Variants in RSF1 observed in about 807,000 individuals in gnomAD.
The protein encoded by RSF1 is remodeling and spacing factor 1.
In RSF1, 13 loss-of-function variants were observed where a neutral mutation model predicts 145.2. That is an observed-to-expected ratio of 0.09 (90% CI 0.06 to 0.14). The LOEUF (loss-of-function observed/expected upper bound fraction) is 0.14. Among genes scored for constraint, RSF1 ranks in the 10% least tolerant of loss-of-function variants. The pLI is 1.00. For synonymous variants in RSF1, 577 were observed against 592.6 expected, an observed-to-expected ratio of 0.97 and a Z score of 0.38; for missense variants, 1,517 against 1,718.2, an observed-to-expected ratio of 0.88 and a Z score of 2.07.
At chr11:77,726,795 A>C (rs1007795656) in intron 4 of RSF1, among the ~76,000 whole-genome samples, 22 of 152,016 alleles carry the variant, frequency 1.4e-4, no homozygotes, top group African/African-American at 5.3e-4. Context: ...TATGGCTCCT[A>C]CCCTCCTTTC....
chr11:77,814,744 C>T (rs559092490), intron 1 of RSF1, among the ~76,000 whole-genome samples: 43 of 151,964 alleles, frequency 2.8e-4, no homozygotes, highest in South Asian at 6.2e-4. Context: ...CGTGCCCAGC[C>T]GAAAAAATAC....
intron 5 of RSF1, among the ~76,000 whole-genome samples, chr11:77,716,794 A>C (rs1281938082): frequency 6.6e-6 from 1 of 152,256 alleles, no homozygotes; most frequent in Admixed American, 6.5e-5. Flanking sequence ...GAGTCAATGC[A>C]TATGGTAATT....
At chr11:77,724,445 A>G (rs1961005717) in intron 5 of RSF1, among the ~76,000 whole-genome samples, 1 of 152,224 alleles carries the variant, frequency 6.6e-6, no homozygotes, top group South Asian at 2.1e-4. Flanking sequence ...ATTATTCACA[A>G]CGTCCAAAAG....
rs369345479 is a variant in RSF1, at chr11:77,667,390, C to T, written c.3853G>A (p.Asp1285Asn). 60 of 1,614,120 alleles carry T rather than the reference C, an allele frequency of 3.7e-5. No individual in the cohort carries two copies. In the Middle Eastern group the frequency reaches 4.9e-4, roughly 13 times the overall value. Residue 1285 changes from aspartate to asparagine, a missense_variant, in exon 16 of 16, where the codon GAT (aspartate) becomes AAT (asparagine). Around this residue, in one of 12 missense-constraint regions of RSF1, gnomAD observed 240 missense variants for 231.8 expected, o/e 1.04. Transcript: ENST00000308488. ...CCTTCCTCTTCCTCCTCCTCCTCATCTGCTTCTGAATACTCGTCTGTGCTT... is the reference window on the plus strand; with the variant it reads ...CCTTCCTCTTCCTCCTCCTCCTCATTTGCTTCTGAATACTCGTCTGTGCTT... ...GRSTDEYSEADEEEEEEEGKP... is the reference protein window; with the variant it reads ...GRSTDEYSEANEEEEEEEGKP...
chr11:77,745,596 A>C (rs1291541378), intron 3 of RSF1, among the ~76,000 whole-genome samples: 1 of 151,506 alleles, frequency 6.6e-6, no homozygotes, highest in Non-Finnish European at 1.5e-5. Context: ...GGTGAACATT[A>C]TTCTTAAAGG....
chr11:77,692,803 G>A (rs1015230377), intron 8 of RSF1, among the ~76,000 whole-genome samples: 2 of 151,210 alleles, frequency 1.3e-5, no homozygotes, highest in Non-Finnish European at 2.9e-5. Flanking sequence ...TCAGCCTCCC[G>A]AGTAGCTTGG....
At chr11:77,669,719 A>G (rs890828246) in intron 15 of RSF1, among the ~76,000 whole-genome samples, 2 of 152,244 alleles carry the variant, frequency 1.3e-5, no homozygotes, top group Non-Finnish European at 2.9e-5. Context: ...AGAGGTTAGC[A>G]CATTTTTTAT....
intron 7 of RSF1, among the ~76,000 whole-genome samples, chr11:77,698,197 AACAG>A (rs1192135490): frequency 6.6e-6 from 1 of 152,204 alleles, no homozygotes; most frequent in Non-Finnish European, 1.5e-5. Flanking sequence ...ACTTAAAAAG[AACAG>A]ACTAAAAATA....
chr11:77,810,022 G>A (rs1023852150), intron 1 of RSF1, among the ~76,000 whole-genome samples: 3 of 152,148 alleles, frequency 2.0e-5, no homozygotes, highest in African/African-American at 7.2e-5. Context: ...CTGCACTTTT[G>A]CTGCAAAATA....
intron 1 of RSF1, chr11:77,813,744 G>T (rs2135990228): frequency 3.1e-6 from 1 of 324,608 alleles, no homozygotes; most frequent in East Asian, 6.7e-5. Flanking sequence ...TAAGGAGCAG[G>T]AGCCTGCGGA....
intron 4 of RSF1, 145 bp downstream of exon 4, chr11:77,740,586 C>T (rs377737762): frequency 3.8e-5 from 25 of 654,358 alleles, no homozygotes; most frequent in East Asian, 2.2e-4. Context: ...ATGGGTATTA[C>T]GCTGGATACT....
chr11:77,732,491 G>A (rs190463482), intron 4 of RSF1, among the ~76,000 whole-genome samples: 14 of 152,196 alleles, frequency 9.2e-5, no homozygotes, highest in Admixed American at 2.0e-4. Flanking sequence ...AGGAGGGGCC[G>A]GGGCAGAAAA....
the RSF1 span, among the ~76,000 whole-genome samples, chr11:77,856,122 A>G: frequency 6.6e-6 from 1 of 152,122 alleles, no homozygotes; most frequent in Non-Finnish European, 1.5e-5. Flanking sequence ...TGTCTCAAAA[A>G]AAAGAAGAAA....
At chr11:77,703,670 T>C (rs1960476356) in intron 5 of RSF1, 1 of 152,214 alleles carries the variant, frequency 6.6e-6, no homozygotes, top group Non-Finnish European at 1.5e-5. Flanking sequence ...AAGAACCATT[T>C]AGAACCATTC....
intron 4 of RSF1, among the ~76,000 whole-genome samples, chr11:77,740,433 T>C (rs940934067): frequency 6.6e-6 from 1 of 152,260 alleles, no homozygotes; most frequent in African/African-American, 2.4e-5. Context: ...CTTGTGCTTT[T>C]GTCTAACAAT....
At chr11:77,693,239 A>C (rs180921419) in intron 8 of RSF1, among the ~76,000 whole-genome samples, 12 of 152,368 alleles carry the variant, frequency 7.9e-5, no homozygotes, top group African/African-American at 2.9e-4. Context: ...CTACATATCT[A>C]CACTTGGTGC....
At chr11:77,731,938 G>C (rs896640517) in intron 4 of RSF1, among the ~76,000 whole-genome samples, 2 of 152,244 alleles carry the variant, frequency 1.3e-5, no homozygotes, top group Non-Finnish European at 2.9e-5. Flanking sequence ...GAGCCACACA[G>C]AGTCCCTACT....
At chr11:77,764,996 T>A (rs1035071365) in intron 1 of RSF1, among the ~76,000 whole-genome samples, 2 of 152,172 alleles carry the variant, frequency 1.3e-5, no homozygotes, top group Non-Finnish European at 2.9e-5. Flanking sequence ...GTTCATCAAT[T>A]ATAAGAAATG....
In RSF1 at chr11:77,735,033, G is replaced by A. The variant is rs1241181893; in HGVS notation, c.578+5698C>T. On this transcript the variant is annotated intron_variant, in intron 4 of 15. Transcript: ENST00000308488. ...AGGTGGACGTGGTCCTCATGGCGGC[G>A]ACTAAGGAGAGGTGGCGGCGGTGGC... is the stretch of plus-strand genomic sequence containing the variant. 1.3e-5 allele frequency: 20 copies of A among 1,481,888 alleles called. No individual in the cohort carries two copies. In the East Asian group the frequency reaches 2.0e-4, roughly 15 times the overall value. The allele number at this position is 1,481,888 out of a possible 1,614,324, so 91.8% of individuals were successfully genotyped here.
Sources: gnomAD v4.1 joint callset for allele counts (sites outside exome capture counted in the v4.1 genomes callset) on GRCh38, gnomAD v4.1.1 for gene constraint, gnomAD v4.1.1 regional missense constraint, MANE v1.5 for transcripts, NCBI Gene and HGNC (gene_info 2026-07-23, HGNC 2026-07-21) for gene names.